Variants in CACNA1C observed in about 807,000 individuals in gnomAD.
CACNA1C encodes calcium voltage-gated channel subunit alpha1 C.
CACNA1C carries 30 observed loss-of-function variants against 229.0 expected under a neutral mutation model. That is an observed-to-expected ratio of 0.13 (90% confidence interval 0.10 to 0.18). The LOEUF is 0.18. Ranked by LOEUF, CACNA1C falls within the 10% of genes least tolerant of loss-of-function variation. The pLI is 1.00. For synonymous variants in CACNA1C, 1,114 were observed against 1,132.5 expected (o/e 0.98, Z 0.33); for missense variants, 1,658 against 2,845.0 (o/e 0.58, Z 9.49).
At chr12:2,270,562 GC>G (rs2084459827) in intron 3 of CACNA1C, among the ~76,000 whole-genome samples, 1 of 152,186 alleles carries the variant, frequency 6.6e-6, no homozygotes, top group South Asian at 2.1e-4. Flanking sequence ...GGGGGCCACA[GC>G]ACTCCAGACG....
At chr12:2,307,648 T>C (rs951841304) in intron 3 of CACNA1C, among the ~76,000 whole-genome samples, 1 of 152,198 alleles carries the variant, frequency 6.6e-6, no homozygotes, top group East Asian at 1.9e-4. Context: ...GCTTCATCTT[T>C]TGAGGCTCTA....
intron 37 of CACNA1C, among the ~76,000 whole-genome samples, chr12:2,667,316 C>T (rs2096244490): frequency 6.6e-6 from 1 of 151,946 alleles, no homozygotes; most frequent in South Asian, 2.1e-4. Context: ...CCACCGTGGC[C>T]ATTCCGTGCT....
chr12:2,409,834 G>T (rs961189811), intron 3 of CACNA1C, among the ~76,000 whole-genome samples: 6 of 152,206 alleles, frequency 3.9e-5, no homozygotes, highest in African/African-American at 1.4e-4. Context: ...AGGGCCCGCT[G>T]CCCAGCAGGG....
At chr12:2,516,436 C>T (rs1342314706) in intron 9 of CACNA1C, among the ~76,000 whole-genome samples, 3 of 152,168 alleles carry the variant, frequency 2.0e-5, no homozygotes, top group Non-Finnish European at 4.4e-5. Flanking sequence ...ATCTGACAGA[C>T]ACTTATCAGG....
Position 2,679,760 on chromosome 12 carries a change from G to C in CACNA1C, c.5408G>C (p.Arg1803Pro), listed in dbSNP as rs201918158. The change falls in exon 42 of 47, where the codon CGG becomes CCG. Residue 1803 changes from arginine to proline, a missense_variant. Around this residue, in one of 20 missense-constraint regions of CACNA1C, gnomAD observed 590 missense variants for 700.8 expected, o/e 0.84. Transcript: ENST00000399655. The surrounding 1 kb of genome is among the most constrained non-coding windows in gnomAD (Gnocchi z 5.5). The stretch of plus-strand genomic sequence containing the variant: ...GGGCCCCCCTTGTCCCCTGCCATCC[G>C]GGTGCAGGAGGTGGCGTGGAAGCTC... ...GHGPPLSPAI[R>P]VQEVAWKLSS... The C allele has an allele frequency of 5.9e-5, 94 of 1,587,868 alleles. 2 individuals carry two copies. The South Asian group carries it at 1.0e-3, about 17-fold the overall frequency.
At position 2,319,400 on chromosome 12, in the gene CACNA1C, G is replaced by A. The variant is rs1463900817; in HGVS notation, c.478-129576G>A. On this transcript the variant is annotated intron_variant, in intron 3 of 46. Transcript: ENST00000399655. The surrounding 1 kb of genome is among the most constrained non-coding windows in gnomAD (Gnocchi z 4.0). ...CTGATGGGTGGCGTACATGGGCAGC[G>A]TACATGATGGCCAGTGTACACGATG... Among the ~76,000 whole-genome samples the A allele has an allele frequency of 1.3e-5, 2 of 152,084 alleles. No individual in the cohort carries two copies. The highest frequency in any genetic ancestry group is 4.8e-5 in the African/African-American group (2 of 41,382).
chr12:2,475,095 C>A (rs907453726), intron 5 of CACNA1C, among the ~76,000 whole-genome samples: 2 of 151,972 alleles, frequency 1.3e-5, no homozygotes, highest in South Asian at 2.1e-4. Flanking sequence ...GTCAGGAGAT[C>A]GAGACCATCC....
chr12:2,590,178 G>A (rs931036587), intron 18 of CACNA1C, among the ~76,000 whole-genome samples: 2 of 152,150 alleles, frequency 1.3e-5, no homozygotes, highest in Non-Finnish European at 2.9e-5. Context: ...ACTTTATGTG[G>A]CCAAGAGCAA....
intron 30 of CACNA1C, among the ~76,000 whole-genome samples, chr12:2,637,887 C>A (rs960489502): frequency 3.9e-5 from 6 of 152,358 alleles, no homozygotes; most frequent in African/African-American, 1.4e-4. Flanking sequence ...CTAAACCCCT[C>A]CCCAGATGCC....
intron 3 of CACNA1C, among the ~76,000 whole-genome samples, chr12:2,237,291 G>A (rs887476450): frequency 6.6e-6 from 1 of 152,196 alleles, no homozygotes; most frequent in Non-Finnish European, 1.5e-5. Context: ...AGCCTCCATT[G>A]CCTAGGGTAT....
chr12:2,051,448 G>A (rs1227455703), upstream of CACNA1C, among the ~76,000 whole-genome samples: 3 of 152,206 alleles, frequency 2.0e-5, no homozygotes, highest in African/African-American at 4.8e-5. Context: ...GGAGTGCTGG[G>A]ATGTGATGTT....
chr12:2,627,009 A>T (rs926976655), intron 29 of CACNA1C, among the ~76,000 whole-genome samples: 2 of 152,202 alleles, frequency 1.3e-5, no homozygotes, highest in African/African-American at 4.8e-5. Flanking sequence ...AAAAGTGTGC[A>T]TTCTAAGGAG....
rs543698711 is a variant in CACNA1C at position 2,306,139 on chromosome 12, C to T, written c.478-142837C>T. ...TCAGATGCCTCTCCTCTGAGGGGAG[C>T]CCTGCTGTGCTGCTCATCCTGTTGA... On this transcript the variant is annotated intron_variant, in intron 3 of 46. Transcript: ENST00000399655. Among the ~76,000 whole-genome samples the T allele has an allele frequency of 6.9e-4, 105 of 152,330 alleles. 1 individual carries two copies. In the South Asian group the frequency reaches 0.018, roughly 26 times the overall value.
intron 45 of CACNA1C, among the ~76,000 whole-genome samples, chr12:2,687,586 C>T (rs926245374): frequency 3.3e-5 from 5 of 150,280 alleles, no homozygotes; most frequent in African/African-American, 1.2e-4. Flanking sequence ...GTTGCCCAGG[C>T]TGGAGTGCAA....
intron 3 of CACNA1C, among the ~76,000 whole-genome samples, chr12:2,334,609 G>T (rs947907113): frequency 6.6e-6 from 1 of 152,096 alleles, no homozygotes; most frequent in Non-Finnish European, 1.5e-5. Context: ...CTTTGAGACC[G>T]GCCTGGACTA....
chr12:2,167,229 G>T (rs1326890311), intron 3 of CACNA1C, among the ~76,000 whole-genome samples: 1 of 152,192 alleles, frequency 6.6e-6, no homozygotes, highest in Non-Finnish European at 1.5e-5. Context: ...GCCCTGGGAA[G>T]GCTTCTGGGA....
At chr12:2,686,125 G>A in intron 44 of CACNA1C, 41 bp from the exon 45 acceptor site, 1 of 1,529,424 alleles carries the variant, frequency 6.5e-7, no homozygotes, top group Non-Finnish European at 9.1e-7. Flanking sequence ...CCAGTGCCCT[G>A]TTTTCCTGCC....
At chr12:2,063,274 C>G (rs947978405) in intron 1 of CACNA1C, among the ~76,000 whole-genome samples, 3 of 151,978 alleles carry the variant, frequency 2.0e-5, no homozygotes, top group African/African-American at 7.3e-5. Context: ...GCCTCAGTCT[C>G]CTGAGTAGCT....
At chr12:2,398,396 A>G (rs1454529228) in intron 3 of CACNA1C, among the ~76,000 whole-genome samples, 4 of 152,194 alleles carry the variant, frequency 2.6e-5, no homozygotes, top group Non-Finnish European at 5.9e-5. Flanking sequence ...AGCTTTTCCA[A>G]ACTATATGCC....
Sources: gnomAD v4.1 joint callset for allele counts (sites outside exome capture counted in the v4.1 genomes callset) on GRCh38, gnomAD v4.1.1 for gene constraint, gnomAD v4.1.1 regional missense constraint, Gnocchi (gnomAD v3.1) non-coding constraint, MANE v1.5 for transcripts, NCBI Gene and HGNC (gene_info 2026-07-23, HGNC 2026-07-21) for gene names.